PARVG: variants seen among roughly 807,000 people sequenced by gnomAD.
The protein encoded by PARVG is parvin gamma.
Under a neutral mutation model 44.4 loss-of-function variants are expected in PARVG, and 36 were observed. That is an observed-to-expected ratio of 0.81 (90% CI 0.62 to 1.07). PARVG has a LOEUF of 1.07. PARVG is among the 50% of genes least tolerant of loss of function. PARVG has a pLI of 0.00. For missense variants in PARVG, 407 were observed against 407.4 expected (o/e 1.00, Z 0.01); for synonymous variants, 170 against 174.1 (o/e 0.98, Z 0.19).
rs2054788338 is a variant in PARVG, at chr22:44,206,831, C to T, written c.*405C>T. On this transcript the variant is annotated 3_prime_UTR_variant, in exon 14 of 14. Coordinates refer to ENST00000444313, the MANE Select transcript of PARVG (RefSeq NM_022141.7). ...GGGACAGGGCCCACAGCCCCAGACC[C>T]CACCTTTTCCAGCCCAGCTCCCCAC... The T allele has an allele frequency of 9.8e-6, 2 of 204,668 alleles. No homozygotes were observed. Among genetic ancestry groups the T allele is most frequent in the Non-Finnish European group, 2.0e-5 (2 of 102,224 alleles). The allele number at this position is 204,668 out of a possible 1,614,324, so 12.7% of individuals were successfully genotyped here. A position where few individuals can be genotyped will look rare whatever the true frequency, so the allele number is the denominator to read the frequency against.
At chr22:44,186,430 C>G in intron 4 of PARVG, 1 of 395,684 alleles carries the variant, frequency 2.5e-6, no homozygotes, top group Non-Finnish European at 5.2e-6. Flanking sequence ...GTCTGTGTCT[C>G]CAGTCTCCAC....
chr22:44,176,069 A>G (rs777276759), upstream of PARVG, among the ~76,000 whole-genome samples: 63 of 152,166 alleles, frequency 4.1e-4, no homozygotes, highest in Non-Finnish European at 5.1e-4. Flanking sequence ...ATGTAGTGCT[A>G]GATTTCCTCC....
intron 3 of PARVG, chr22:44,184,893 T>TA (rs1298889820): frequency 2.6e-5 from 4 of 152,248 alleles, no homozygotes; most frequent in African/African-American, 9.6e-5. Context: ...TTTTTTGTTT[T>TA]ACAACTGATT....
At chr22:44,191,341 C>T (rs562721115) in intron 7 of PARVG, among the ~76,000 whole-genome samples, 15 of 151,722 alleles carry the variant, frequency 9.9e-5, no homozygotes, top group Middle Eastern at 3.5e-3. Context: ...CTGACTCGCC[C>T]CAAGAGAATA....
Position 44,198,658 on chromosome 22 carries a change from A to T in PARVG, c.749A>T (p.Gln250Leu), listed in dbSNP as rs770583908. Residue 250 changes from glutamine (Q) to leucine (L), a missense_variant, in exon 12 of 14, where the codon CAA (glutamine) becomes CTA (leucine). Physicochemically the swap from Gln to Leu is moderately radical, Grantham distance 113. Coordinates refer to ENST00000444313, the MANE Select transcript of PARVG (RefSeq NM_022141.7). ...GTCATCTTACTCTTGCTGATTGGACAACTTGAAGGCTTCTTCCTGCACTTA... is the reference window on the plus strand; with the variant it reads ...GTCATCTTACTCTTGCTGATTGGACTACTTGAAGGCTTCTTCCTGCACTTA... ...DGVILLLLIGQLEGFFLHLKE... is the reference protein window; with the variant it reads ...DGVILLLLIGLLEGFFLHLKE... The T allele has an allele frequency of 6.2e-7, 1 of 1,613,952 alleles. No individual in the cohort carries two copies. Among genetic ancestry groups the T allele is most frequent in the Non-Finnish European group, 8.5e-7 (1 of 1,179,870 alleles).
At chr22:44,198,566 A>G (rs547471984) in intron 11 of PARVG, 55 bp from the exon 12 acceptor site, 3 of 1,336,978 alleles carry the variant, frequency 2.2e-6, no homozygotes, top group Admixed American at 1.7e-5. Flanking sequence ...TAAAAGACAG[A>G]GTGGGCTTCG....
rs564563230 is a variant in PARVG, at chr22:44,182,527, C to T, written c.-13+610C>T. Among the ~76,000 whole-genome samples, 1 of 152,292 alleles carries T rather than the reference C, an allele frequency of 6.6e-6. No individual in the cohort carries two copies. Among genetic ancestry groups the T allele is most frequent in the Admixed American group, 6.5e-5 (1 of 15,302 alleles). ...GTGGCTCCAGTCGAGTGAATGCCTC[C>T]GTCTCCCACAGCTCAGGGGGCTCCC... On this transcript the variant is annotated intron_variant, in intron 2 of 13. Coordinates refer to ENST00000444313, the MANE Select transcript of PARVG (RefSeq NM_022141.7). The surrounding 1 kb of genome is among the most constrained non-coding windows in gnomAD (Gnocchi z 4.6).
chr22:44,186,730 G>A (rs1197734552), intron 4 of PARVG: 1 of 460,062 alleles, frequency 2.2e-6, no homozygotes, highest in East Asian at 7.0e-5. Flanking sequence ...GAGTTGGGAG[G>A]TTATCCCAGG....
At chr22:44,198,773 A>G in intron 12 of PARVG, 51 bp downstream of exon 12, 1 of 1,397,212 alleles carries the variant, frequency 7.2e-7, no homozygotes, top group East Asian at 2.3e-5. Flanking sequence ...GTGAACAGAT[A>G]TACAGAACTG....
At position 44,191,338 on chromosome 22, in the gene PARVG, G is replaced by A. The variant is rs369925895; in HGVS notation, c.504+672G>A. Among the ~76,000 whole-genome samples the A allele has an allele frequency of 2.7e-4, 39 of 146,652 alleles. No homozygotes were observed. In the East Asian group the frequency reaches 4.9e-3, roughly 18 times the overall value. On this transcript the variant is annotated intron_variant, in intron 7 of 13. Transcript: ENST00000444313. The stretch of plus-strand genomic sequence containing the variant: ...GTGTGTGAGGGCTTGCCTCTGACTC[G>A]CCCCAAGAGAATAAGCCAAGTTTGG...
At chr22:44,198,078 T>C (rs951593986) in intron 11 of PARVG, among the ~76,000 whole-genome samples, 1 of 152,218 alleles carries the variant, frequency 6.6e-6, no homozygotes, top group Non-Finnish European at 1.5e-5. Context: ...AGACTTAATA[T>C]GAGGAAATTC....
At chr22:44,193,865 T>A (rs1315862510) in intron 9 of PARVG, 42 bp downstream of exon 9, 54 of 1,607,996 alleles carry the variant, frequency 3.4e-5, no homozygotes, top group Non-Finnish European at 4.3e-5. Context: ...TCCTATCTGA[T>A]GCGTGTTAAT....
At chr22:44,175,471 G>A (rs1160394877) in intron 1 of PARVG, among the ~76,000 whole-genome samples, 1 of 152,254 alleles carries the variant, frequency 6.6e-6, no homozygotes, top group Non-Finnish European at 1.5e-5. Flanking sequence ...AGTGCCCTGG[G>A]GTTGGGCAGC....
upstream of PARVG, among the ~76,000 whole-genome samples, chr22:44,176,674 A>G (rs539586500): frequency 3.3e-5 from 5 of 150,398 alleles, no homozygotes; most frequent in South Asian, 1.0e-3. Flanking sequence ...TTTTACTTTT[A>G]TATAGTTTCA....
chr22:44,175,527 A>G (rs1369371998), intron 1 of PARVG, among the ~76,000 whole-genome samples: 2 of 152,226 alleles, frequency 1.3e-5, no homozygotes, highest in African/African-American at 4.8e-5. Flanking sequence ...TTTGGGGTTT[A>G]AATTTGATTT....
chr22:44,204,602 C>T (rs1226523888), intron 12 of PARVG, among the ~76,000 whole-genome samples: 2 of 152,240 alleles, frequency 1.3e-5, no homozygotes, highest in Admixed American at 6.5e-5. Context: ...TCTTGCCTGG[C>T]CTTGCTCATC....
At chr22:44,181,345 G>A in intron 1 of PARVG, 160 bp downstream of exon 1, 1 of 985,544 alleles carries the variant, frequency 1.0e-6, no homozygotes, top group Non-Finnish European at 1.2e-6. Context: ...CAGGGGGCGT[G>A]GGGAAGTCTG....
At chr22:44,201,582 CACGGTGCCT>C (rs2054709629) in intron 12 of PARVG, among the ~76,000 whole-genome samples, 1 of 152,192 alleles carries the variant, frequency 6.6e-6, no homozygotes, top group East Asian at 1.9e-4. Context: ...TTGTGGCAGG[CACGGTGCCT>C]GCTGCTTCCT....
At chr22:44,197,732 A>C (rs765936477) in intron 11 of PARVG, among the ~76,000 whole-genome samples, 25 of 152,220 alleles carry the variant, frequency 1.6e-4, no homozygotes, top group Admixed American at 4.6e-4. Flanking sequence ...ACAAGATAGC[A>C]ACTTGGTAGA....
Sources: gnomAD v4.1 joint callset for allele counts (sites outside exome capture counted in the v4.1 genomes callset) on GRCh38, gnomAD v4.1.1 for gene constraint, Gnocchi (gnomAD v3.1) non-coding constraint, MANE v1.5 for transcripts, NCBI Gene and HGNC (gene_info 2026-07-23, HGNC 2026-07-21) for gene names.